NCOR2: variants seen among roughly 807,000 people sequenced by gnomAD.
NCOR2 encodes nuclear receptor corepressor 2, also known as CTG repeat protein 26.
In NCOR2, 81 loss-of-function variants were observed where a neutral mutation model predicts 262.9. That is an observed-to-expected ratio of 0.31 (90% CI 0.26 to 0.37). The LOEUF (loss-of-function observed/expected upper bound fraction) is 0.37. Ranked by LOEUF, NCOR2 falls within the 10% of genes least tolerant of loss-of-function variation. The pLI, the probability that NCOR2 is intolerant of heterozygous loss-of-function variation, is 1.00. For missense variants in NCOR2, 3,385 were observed against 3,621.4 expected (o/e 0.93, Z 1.68); for synonymous variants, 1,659 against 1,559.3 (o/e 1.06, Z -1.51).
At chr12:124,337,676 G>T (rs527935606) in intron 37 of NCOR2, among the ~76,000 whole-genome samples, 2 of 152,222 alleles carry the variant, frequency 1.3e-5, no homozygotes, top group South Asian at 2.1e-4. Flanking sequence ...AAAAAGCCAC[G>T]TGAGGAGTGA....
chr12:124,400,894 C>T (rs528327545), intron 14 of NCOR2, among the ~76,000 whole-genome samples: 1 of 152,190 alleles, frequency 6.6e-6, no homozygotes, highest in Non-Finnish European at 1.5e-5. Context: ...GGCAGGACAA[C>T]ACCATGCTAT....
At chr12:124,498,286 C>T (rs754284926), upstream of NCOR2, among the ~76,000 whole-genome samples, 17 of 152,214 alleles carry the variant, frequency 1.1e-4, no homozygotes, top group South Asian at 2.1e-4. Flanking sequence ...ATGGTGCACA[C>T]GGGCACCAGA....
chr12:124,549,229 G>A lies in NCOR2; in HGVS notation c.-164-13618C>T, dbSNP rs2137251867. Among the ~76,000 whole-genome samples, 1 of 152,112 alleles carries A rather than the reference G, an allele frequency of 6.6e-6. No individual in the cohort carries two copies. The highest frequency in any genetic ancestry group is 1.9e-4 in the East Asian group (1 of 5,166). On this transcript the variant is annotated intron_variant, in intron 1 of 32. Transcript: ENST00000458234. This position sits in a 1 kb window ranked among gnomAD's most constrained non-coding sequence, Gnocchi z 4.4. ...CGAGAGGATCAGATGAATTCACGTG[G>A]CATGTGCCGCACTGAGACAGGCAGG...
intron 19 of NCOR2, among the ~76,000 whole-genome samples, chr12:124,373,034 T>C (rs1388693933): frequency 6.6e-6 from 1 of 152,244 alleles, no homozygotes; most frequent in African/African-American, 2.4e-5. Context: ...AGGTTACCTC[T>C]TGGGCCTCAG....
intron 1 of NCOR2, among the ~76,000 whole-genome samples, chr12:124,510,278 G>A (rs946095067): frequency 2.6e-5 from 4 of 152,186 alleles, no homozygotes; most frequent in Non-Finnish European, 5.9e-5. Context: ...TACAGCTCCC[G>A]TTTCCTAGGT....
At chr12:124,519,047 C>T (rs1475972870) in intron 1 of NCOR2, among the ~76,000 whole-genome samples, 2 of 144,396 alleles carry the variant, frequency 1.4e-5, no homozygotes, top group Admixed American at 7.4e-5. Flanking sequence ...GATCTGGGGT[C>T]ATCTCGGTGA....
chr12:124,523,424 C>A lies in NCOR2; in HGVS notation c.-118+12141G>T, dbSNP rs2050295224. On this transcript the variant is annotated intron_variant, in intron 1 of 46. Transcript: ENST00000404621. This position sits in a 1 kb window ranked among gnomAD's most constrained non-coding sequence, Gnocchi z 4.0. ...GAGGAGTGCCCAGGAATGCTCCACG[C>A]CAGCCAGCTGGATCCCAGGGACCTA... Among the ~76,000 whole-genome samples, 1 of 152,160 alleles carries A rather than the reference C, an allele frequency of 6.6e-6. No individual in the cohort carries two copies.
At chr12:124,489,062 G>A (rs947224450) in intron 1 of NCOR2, among the ~76,000 whole-genome samples, 1 of 151,988 alleles carries the variant, frequency 6.6e-6, no homozygotes, top group Non-Finnish European at 1.5e-5. Flanking sequence ...AGGTCACCAG[G>A]GTTGAGCCCA....
chr12:124,390,487 C>T (rs1352256754), intron 16 of NCOR2, among the ~76,000 whole-genome samples: 2 of 151,768 alleles, frequency 1.3e-5, no homozygotes, highest in South Asian at 2.1e-4. Flanking sequence ...GACCCCCCCC[C>T]GTCGCCCTGC....
Position 124,495,099 on chromosome 12 carries a change from G to A in NCOR2, c.105+48C>T, listed in dbSNP as rs986622593. 6.3e-6 allele frequency: 10 copies of A among 1,599,254 alleles called. No homozygotes were observed. The East Asian group carries it at 1.3e-4, about 22-fold the overall frequency. ...GGGGTGAAGACTCAGTGGAATGGAA[G>A]AAGGGTCTCAAAGGTAGCCCCAGGC... On this transcript the variant is annotated intron_variant, in intron 1 of 46. Coordinates refer to ENST00000405201, the Ensembl canonical transcript of NCOR2. The surrounding 1 kb of genome is among the most constrained non-coding windows in gnomAD (Gnocchi z 4.4).
chr12:124,424,518 C>T (rs1593475433), intron 11 of NCOR2, among the ~76,000 whole-genome samples: 2 of 152,296 alleles, frequency 1.3e-5, no homozygotes, highest in East Asian at 3.9e-4. Flanking sequence ...TTACCCCACC[C>T]CTCTATTCTT....
rs1047501342 is a variant in NCOR2 at position 124,504,789 on chromosome 12, C to T, written c.-117-9421G>A. Among the ~76,000 whole-genome samples the T allele has an allele frequency of 6.6e-6, 1 of 152,202 alleles. No homozygotes were observed. Among genetic ancestry groups the T allele is most frequent in the African/African-American group, 2.4e-5 (1 of 41,448 alleles). On this transcript the variant is annotated intron_variant, in intron 1 of 46. Transcript: ENST00000404621. This position sits in a 1 kb window ranked among gnomAD's most constrained non-coding sequence, Gnocchi z 4.5. ...GCAAAGAAGCCGCTCAGAAAGGCCA[C>T]GCACTGCATGATTCCATTAACTTCA...
intron 1 of NCOR2, among the ~76,000 whole-genome samples, chr12:124,512,806 G>A (rs1247431469): frequency 6.6e-6 from 1 of 152,144 alleles, no homozygotes; most frequent in East Asian, 1.9e-4. Context: ...GCTGGGTATT[G>A]GCCTCCCTCC....
At chr12:124,417,297 G>A (rs1448570626) in intron 13 of NCOR2, among the ~76,000 whole-genome samples, 10 of 151,760 alleles carry the variant, frequency 6.6e-5, no homozygotes, top group African/African-American at 1.9e-4. Context: ...AGAGCAAGCC[G>A]GACACTCACT....
Position 124,548,863 on chromosome 12 carries a change from C to T in NCOR2, c.-164-13252G>A, listed in dbSNP as rs1225466997. Among the ~76,000 whole-genome samples the T allele has an allele frequency of 6.6e-6, 1 of 152,148 alleles. No individual in the cohort carries two copies. The highest frequency in any genetic ancestry group is 1.5e-5 in the Non-Finnish European group (1 of 68,040). The stretch of plus-strand genomic sequence containing the variant: ...GCTGTTTCTTAAATGTCACTCTCCT[C>T]TCCCCCCAGCACTGCAGGGCTCTGA... On this transcript the variant is annotated intron_variant, in intron 1 of 32. Coordinates refer to the NCOR2 transcript ENST00000458234. The surrounding 1 kb of genome is among the most constrained non-coding windows in gnomAD (Gnocchi z 5.1).
At chr12:124,360,881 G>A (rs143012628) in intron 22 of NCOR2, among the ~76,000 whole-genome samples, 1 of 152,208 alleles carries the variant, frequency 6.6e-6, no homozygotes, top group Non-Finnish European at 1.5e-5. Context: ...AAACCATCTT[G>A]CTTCGTTACG....
intron 1 of NCOR2, among the ~76,000 whole-genome samples, chr12:124,542,039 G>C (rs180747394): frequency 1.5e-4 from 23 of 151,760 alleles, no homozygotes; most frequent in Admixed American, 4.6e-4. Context: ...CAGGGCCAGC[G>C]AGGACACCTT....
At chr12:124,348,552 T>G in intron 28 of NCOR2, 1 of 562,928 alleles carries the variant, frequency 1.8e-6, no homozygotes, top group Non-Finnish European at 3.1e-6. Flanking sequence ...CAGGGCACGC[T>G]GCCTGCACCC....
At chr12:124,528,950 C>G (rs978689599) in intron 1 of NCOR2, among the ~76,000 whole-genome samples, 1 of 152,140 alleles carries the variant, frequency 6.6e-6, no homozygotes, top group Non-Finnish European at 1.5e-5. Flanking sequence ...GAGGCCGAGG[C>G]GGGCAGATCA....
Sources: allele counts gnomAD v4.1 joint callset (sites outside exome capture counted in the v4.1 genomes callset), GRCh38; gene constraint gnomAD v4.1.1; non-coding constraint Gnocchi (gnomAD v3.1); transcripts MANE v1.5; gene names NCBI Gene and HGNC (gene_info 2026-07-23, HGNC 2026-07-21).